The following BASP1 variants were observed in gnomAD, a reference collection of about 807,000 sequenced individuals.
The protein encoded by BASP1 is brain acid soluble protein 1.
Under a neutral mutation model 2.2 loss-of-function variants are expected in BASP1, and 1 was observed. That is an observed-to-expected ratio of 0.46 (90% CI 0.16 to 2.17). The LOEUF is 2.17. BASP1 is among the 30% of genes most tolerant of loss of function. BASP1 has a pLI of 0.27. For synonymous variants in BASP1, 187 were observed against 154.2 expected (o/e 1.21, Z -1.58); for missense variants, 352 against 327.2 (o/e 1.08, Z -0.58).
intron 1 of BASP1, among the ~76,000 whole-genome samples, chr5:17,222,309 G>T (rs1247514509): frequency 6.6e-6 from 1 of 152,072 alleles, no homozygotes; most frequent in Non-Finnish European, 1.5e-5. Flanking sequence ...AATTCCCCAG[G>T]TCTGCTTATA....
At chr5:17,221,041 C>CAAGTATAA (rs1739384150) in intron 1 of BASP1, among the ~76,000 whole-genome samples, 1 of 152,206 alleles carries the variant, frequency 6.6e-6, no homozygotes, top group African/African-American at 2.4e-5. Flanking sequence ...CTTGTTTATA[C>CAAGTATAA]ACACTCTAAA....
At chr5:17,234,245 T>G (rs1739694549) in intron 1 of BASP1, among the ~76,000 whole-genome samples, 1 of 152,214 alleles carries the variant, frequency 6.6e-6, no homozygotes, top group Non-Finnish European at 1.5e-5. Flanking sequence ...AGGAAATGTC[T>G]GTGTGTATCT....
chr5:17,273,875 T>C (rs1740577398), intron 1 of BASP1, among the ~76,000 whole-genome samples: 1 of 152,156 alleles, frequency 6.6e-6, no homozygotes, highest in Admixed American at 6.5e-5. Context: ...ATGTGATTTC[T>C]GCCACGCTTC....
intron 1 of BASP1, among the ~76,000 whole-genome samples, chr5:17,261,425 G>A (rs1299870030): frequency 6.6e-6 from 1 of 152,164 alleles, no homozygotes; most frequent in African/African-American, 2.4e-5. Context: ...TACTATGAAG[G>A]TAAATGACTG....
At chr5:17,266,930 C>T (rs1027289551) in intron 1 of BASP1, among the ~76,000 whole-genome samples, 6 of 151,898 alleles carry the variant, frequency 4.0e-5, no homozygotes, top group Non-Finnish European at 7.4e-5. Flanking sequence ...TGGTGATACA[C>T]CCTGGTTTCG....
chr5:17,245,427 T>C (rs1428525043), intron 1 of BASP1, among the ~76,000 whole-genome samples: 1 of 152,184 alleles, frequency 6.6e-6, no homozygotes, highest in Non-Finnish European at 1.5e-5. Context: ...GAGTTTTATG[T>C]TATAATTGTT....
At chr5:17,225,746 G>A (rs1739487894) in intron 1 of BASP1, among the ~76,000 whole-genome samples, 1 of 152,170 alleles carries the variant, frequency 6.6e-6, no homozygotes, top group Non-Finnish European at 1.5e-5. Flanking sequence ...CGTGGCAGGT[G>A]GTGGATGGAG....
chr5:17,267,874 A>C lies in BASP1; in HGVS notation c.-9-7334A>C, dbSNP rs1740448318. 3.4e-5 allele frequency among the ~76,000 whole-genome samples: 3 copies of C among 87,298 alleles called. No individual in the cohort carries two copies. In the South Asian group the frequency reaches 1.1e-3, roughly 31 times the overall value. 57.3% of individuals were successfully genotyped at this position (87,298 alleles called of 152,430 possible). ...AAAATTTTTTTTATTTCTAATTTTC[A>C]GCAAGCTTCACGTTGAAATGACGTA... On this transcript the variant is annotated intron_variant, in intron 1 of 1. Coordinates refer to ENST00000322611, the MANE Select transcript of BASP1 (RefSeq NM_006317.5).
chr5:17,233,864 C>T (rs1739684905), intron 1 of BASP1, among the ~76,000 whole-genome samples: 3 of 151,688 alleles, frequency 2.0e-5, no homozygotes, highest in African/African-American at 7.3e-5. Context: ...CGCAGTGGCT[C>T]ACGCCTGTAA....
rs1480391456 is a variant in BASP1 at position 17,275,873 on chromosome 5, C to T, written c.657C>T (p.Ser219=). Residue 219 remains serine (S), a synonymous_variant, in exon 2 of 2, where the codon TCC becomes TCT. Coordinates refer to ENST00000322611, the MANE Select transcript of BASP1 (RefSeq NM_006317.5). The surrounding 1 kb of genome is among the most constrained non-coding windows in gnomAD (Gnocchi z 5.3). ...CGGTGGAGGCCCCGGCAGCTAATTCCGACCAAACCGTAACCGTGAAAGAGT... is the reference window on the plus strand; with the variant it reads ...CGGTGGAGGCCCCGGCAGCTAATTCTGACCAAACCGTAACCGTGAAAGAGT... ...PKPVEAPAAN[S]DQTVTVKE The T allele has an allele frequency of 4.4e-6, 7 of 1,597,080 alleles. No individual in the cohort carries two copies. The highest frequency in any genetic ancestry group is 1.7e-4 in the Middle Eastern group (1 of 5,946).
chr5:17,243,777 G>T (rs552064878), intron 1 of BASP1, among the ~76,000 whole-genome samples: 1 of 152,230 alleles, frequency 6.6e-6, no homozygotes, highest in African/African-American at 2.4e-5. Context: ...TGTCATGGAA[G>T]CTCTATGCCT....
chr5:17,256,289 G>T (rs1423737623), intron 1 of BASP1, among the ~76,000 whole-genome samples: 2 of 152,130 alleles, frequency 1.3e-5, no homozygotes, highest in African/African-American at 4.8e-5. Flanking sequence ...ATTGTTTAAG[G>T]CCACACTGTC....
intron 1 of BASP1, among the ~76,000 whole-genome samples, chr5:17,247,558 T>A (rs1405993473): frequency 6.6e-6 from 1 of 152,246 alleles, no homozygotes; most frequent in Non-Finnish European, 1.5e-5. Flanking sequence ...TTTAGACTGA[T>A]CTGAAGTTGT....
In BASP1 at chr5:17,242,879, T is replaced by C. The variant is rs186414097; in HGVS notation, c.-10+25069T>C. Among the ~76,000 whole-genome samples the C allele has an allele frequency of 1.9e-3, 289 of 152,190 alleles. 1 individual carries two copies. Among genetic ancestry groups the C allele is most frequent in the African/African-American group, 6.5e-3 (271 of 41,528 alleles). On this transcript the variant is annotated intron_variant, in intron 1 of 1. Transcript: ENST00000322611. ...AAAAAAAAGGTAATCGTAAGCATTT[T>C]TTTTTCCTTCTAAAAGGATTTCTTT...
chr5:17,264,601 AT>A (rs959265201), intron 1 of BASP1, among the ~76,000 whole-genome samples: 12 of 152,228 alleles, frequency 7.9e-5, no homozygotes, highest in Admixed American at 4.6e-4. Context: ...AAGCAGATAT[AT>A]TTTTTTCTGA....
Position 17,275,284 on chromosome 5 carries a change from A to G in BASP1, c.68A>G (p.Asp23Gly). 3 of 1,614,004 alleles carry G rather than the reference A, an allele frequency of 1.9e-6. No individual in the cohort carries two copies. Among genetic ancestry groups the G allele is most frequent in the Non-Finnish European group, 2.5e-6 (3 of 1,179,996 alleles). ...AACGACGAGAAAGCCAAGGAGAAAG[A>G]CAAGAAGGCCGAGGGCGCGGCGACG... ...NVNDEKAKEK[D>G]KKAEGAATEE... The change falls in exon 2 of 2, where the codon GAC (aspartate) becomes GGC (glycine). Residue 23 changes from aspartate (D) to glycine (G), a missense_variant. By Grantham distance (94) the Asp-to-Gly change is moderately conservative (BLOSUM62 -1). Transcript: ENST00000322611. This position sits in a 1 kb window ranked among gnomAD's most constrained non-coding sequence, Gnocchi z 5.3.
At chr5:17,219,157 A>G (rs1739338703) in intron 1 of BASP1, among the ~76,000 whole-genome samples, 1 of 142,172 alleles carries the variant, frequency 7.0e-6, no homozygotes, top group South Asian at 2.2e-4. Flanking sequence ...AGTATACTGC[A>G]GGCAAAATGA....
At chr5:17,263,302 T>G (rs767648664) in intron 1 of BASP1, among the ~76,000 whole-genome samples, 7 of 152,092 alleles carry the variant, frequency 4.6e-5, no homozygotes, top group Non-Finnish European at 8.8e-5. Flanking sequence ...ACATTTCTTT[T>G]CTTTCCTTTT....
In BASP1 at chr5:17,275,447, T is replaced by G; in HGVS notation, c.231T>G (p.Ala77=). The part of the protein sequence containing the change: ...EEKEGEKDAA[A]AKEEAPKAEP... ...AGGAGGGCGAGAAGGACGCGGCGGC[T>G]GCCAAGGAGGAGGCCCCGAAGGCGG... The change falls in exon 2 of 2, where the codon GCT becomes GCG. Residue 77 remains alanine (A), a synonymous_variant. Transcript: ENST00000322611. The surrounding 1 kb of genome is among the most constrained non-coding windows in gnomAD (Gnocchi z 5.3). 6.6e-7 allele frequency: 1 copy of G among 1,521,994 alleles called. No individual in the cohort carries two copies. Among genetic ancestry groups the G allele is most frequent in the Admixed American group, 2.3e-5 (1 of 44,320 alleles). 94.3% of individuals were successfully genotyped at this position (1,521,994 alleles called of 1,614,324 possible).
Sources: allele counts gnomAD v4.1 joint callset (sites outside exome capture counted in the v4.1 genomes callset), GRCh38; gene constraint gnomAD v4.1.1; non-coding constraint Gnocchi (gnomAD v3.1); transcripts MANE v1.5; gene names NCBI Gene and HGNC (gene_info 2026-07-23, HGNC 2026-07-21).